TM9SF4: variants seen among roughly 807,000 people sequenced by gnomAD.
TM9SF4 encodes transmembrane 9 superfamily member 4.
In TM9SF4, 26 loss-of-function variants were observed where a neutral mutation model predicts 90.4. That is an observed-to-expected ratio of 0.29 (90% CI 0.21 to 0.40). The LOEUF (loss-of-function observed/expected upper bound fraction) is 0.40. Ranked by LOEUF, TM9SF4 falls within the 10% of genes least tolerant of loss-of-function variation. The pLI, the probability that TM9SF4 is intolerant of heterozygous loss-of-function variation, is 1.00. For missense variants in TM9SF4, 549 were observed against 834.8 expected (o/e 0.66, Z 4.22); for synonymous variants, 293 against 315.4 (o/e 0.93, Z 0.75).
intron 1 of TM9SF4, among the ~76,000 whole-genome samples, chr20:32,132,292 T>A (rs980512669): frequency 6.6e-6 from 1 of 152,066 alleles, no homozygotes; most frequent in Non-Finnish European, 1.5e-5. Context: ...TAGTCCCAGC[T>A]ACTCGGTAGG....
intron 1 of TM9SF4, among the ~76,000 whole-genome samples, chr20:32,123,476 T>A (rs980767944): frequency 8.0e-6 from 1 of 124,592 alleles, no homozygotes; most frequent in African/African-American, 2.8e-5. Flanking sequence ...GTTTGGCCAT[T>A]TGAGCTTTTT....
At chr20:32,129,638 G>A (rs935452555) in intron 1 of TM9SF4, among the ~76,000 whole-genome samples, 9 of 140,382 alleles carry the variant, frequency 6.4e-5, no homozygotes, top group South Asian at 4.4e-4. Flanking sequence ...TCCCTTTGTC[G>A]CCCAGGATGG....
chr20:32,139,142 C>T (rs1001874114), intron 3 of TM9SF4, among the ~76,000 whole-genome samples: 2 of 152,216 alleles, frequency 1.3e-5, no homozygotes, highest in Admixed American at 6.5e-5. Flanking sequence ...CATTGCTTGC[C>T]AGGGCCGCTA....
chr20:32,149,626 C>A lies in TM9SF4; in HGVS notation c.955-8C>A. On this transcript the variant is annotated splice_polypyrimidine_tract_variant and splice_region_variant and intron_variant, in intron 9 of 17. Coordinates refer to ENST00000398022, the MANE Select transcript of TM9SF4 (RefSeq NM_014742.4). ...AACAACCAGCCTCACTCTGGCCCTT[C>A]GCTGCAGGAAGACACCATGGAGGAG... The A allele has an allele frequency of 6.2e-7, 1 of 1,614,172 alleles. No homozygotes were observed. Among genetic ancestry groups the A allele is most frequent in the Non-Finnish European group, 8.5e-7 (1 of 1,180,034 alleles).
chr20:32,145,009 G>T (rs2046741113), intron 6 of TM9SF4, 82 bp from the exon 7 acceptor site: 1 of 1,354,404 alleles, frequency 7.4e-7, no homozygotes, highest in South Asian at 1.2e-5. Context: ...GCGACAGGCA[G>T]CCTTGAGGGC....
At chr20:32,113,991 G>A (rs757755743) in intron 1 of TM9SF4, among the ~76,000 whole-genome samples, 5 of 152,264 alleles carry the variant, frequency 3.3e-5, no homozygotes, top group East Asian at 1.9e-4. Flanking sequence ...CAGTAGTGCC[G>A]CATCCCTTTT....
At chr20:32,157,753 C>T (rs746597792) in intron 13 of TM9SF4, 41 bp from the exon 14 acceptor site, 8 of 1,607,100 alleles carry the variant, frequency 5.0e-6, no homozygotes, top group East Asian at 2.2e-5. Flanking sequence ...CCATCCCGGG[C>T]ATCAGGGCCT....
intron 1 of TM9SF4, among the ~76,000 whole-genome samples, chr20:32,131,748 C>T (rs117104588): frequency 0.037 from 5,598 of 152,174 alleles, 160 homozygotes; most frequent in Non-Finnish European, 0.053. Flanking sequence ...GAAGAGAATC[C>T]GGCAGCTTTT....
At chr20:32,130,718 G>A (rs983206441) in intron 1 of TM9SF4, among the ~76,000 whole-genome samples, 6 of 152,180 alleles carry the variant, frequency 3.9e-5, no homozygotes, top group Admixed American at 1.3e-4. Flanking sequence ...CTTTGTACCA[G>A]CATAGAATGT....
intron 12 of TM9SF4, among the ~76,000 whole-genome samples, chr20:32,152,293 C>A (rs1311828142): frequency 6.6e-6 from 1 of 151,664 alleles, no homozygotes; most frequent in African/African-American, 2.4e-5. Flanking sequence ...GGAGAGGTCA[C>A]CAGATACCCT....
chr20:32,118,577 C>T (rs867487531), intron 1 of TM9SF4, among the ~76,000 whole-genome samples: 18 of 151,334 alleles, frequency 1.2e-4, no homozygotes, highest in African/African-American at 4.1e-4. Flanking sequence ...CTACTATGCC[C>T]AGCCTAAATG....
At chr20:32,130,455 G>C (rs1268760053) in intron 1 of TM9SF4, among the ~76,000 whole-genome samples, 4 of 152,152 alleles carry the variant, frequency 2.6e-5, no homozygotes, top group Non-Finnish European at 5.9e-5. Flanking sequence ...GGAAAAAAGA[G>C]GGCAGGGTTT....
chr20:32,155,871 T>G (rs1056609850), intron 13 of TM9SF4, among the ~76,000 whole-genome samples: 1 of 152,194 alleles, frequency 6.6e-6, no homozygotes, highest in African/African-American at 2.4e-5. Flanking sequence ...GAGGAGGGGT[T>G]TCTTTCCCAG....
intron 13 of TM9SF4, among the ~76,000 whole-genome samples, chr20:32,155,541 C>G (rs556491326): frequency 1.3e-5 from 2 of 152,372 alleles, no homozygotes; most frequent in East Asian, 1.9e-4. Context: ...CAAGCCTGTC[C>G]TCCTCAGTGT....
intron 1 of TM9SF4, chr20:32,116,458 T>G (rs2046224418): frequency 6.6e-6 from 1 of 152,376 alleles, no homozygotes; most frequent in Admixed American, 6.5e-5. Flanking sequence ...GGTTGAAGTC[T>G]GGTTGCCTGT....
chr20:32,125,971 G>C (rs1600794343), intron 1 of TM9SF4, among the ~76,000 whole-genome samples: 1 of 151,866 alleles, frequency 6.6e-6, no homozygotes, highest in East Asian at 1.9e-4. Context: ...CACCGGGCTA[G>C]ATTATTTCAT....
At chr20:32,149,802 G>A (rs746366045) in intron 10 of TM9SF4, 36 bp downstream of exon 10, 7 of 1,609,060 alleles carry the variant, frequency 4.4e-6, no homozygotes, top group Non-Finnish European at 6.0e-6. Context: ...ATGGGGGCAT[G>A]GCTTCCTCTT....
chr20:32,146,964 C>T (rs2046771876), intron 9 of TM9SF4, 109 bp downstream of exon 9: 1 of 1,003,128 alleles, frequency 1.0e-6, no homozygotes, highest in Non-Finnish European at 1.5e-6. Flanking sequence ...CCTCAAAATA[C>T]TAAAACAGTT....
chr20:32,120,568 G>A (rs1396733601), intron 1 of TM9SF4, among the ~76,000 whole-genome samples: 1 of 151,892 alleles, frequency 6.6e-6, no homozygotes, highest in Non-Finnish European at 1.5e-5. Context: ...CATGTGATCC[G>A]CAACTAAAAG....
Sources: allele counts gnomAD v4.1 joint callset (sites outside exome capture counted in the v4.1 genomes callset), GRCh38; gene constraint gnomAD v4.1.1; transcripts MANE v1.5; gene names NCBI Gene and HGNC (gene_info 2026-07-23, HGNC 2026-07-21).